The following TPST1 variants were observed in gnomAD, a reference collection of about 807,000 sequenced individuals.
TPST1 encodes tyrosylprotein sulfotransferase 1, also known as protein-tyrosine sulfotransferase 1.
A neutral mutation model predicts 34.8 loss-of-function variants in TPST1; 20 were observed. The observed-to-expected ratio is 0.57, with a 90% CI of 0.40 to 0.84. The LOEUF (loss-of-function observed/expected upper bound fraction) is 0.84. TPST1 is among the 40% of genes least tolerant of loss of function. TPST1 has a pLI of 0.00. For synonymous variants in TPST1, 152 were observed against 159.4 expected, an observed-to-expected ratio of 0.95 and a Z score of 0.35; for missense variants, 353 against 455.5, an observed-to-expected ratio of 0.78 and a Z score of 2.05.
intron 2 of TPST1, among the ~76,000 whole-genome samples, chr7:66,263,372 C>T (rs1790526860): frequency 1.3e-5 from 2 of 152,144 alleles, no homozygotes; most frequent in South Asian, 2.1e-4. Context: ...GCAGTTAGTA[C>T]ATTCTGTTTT....
chr7:66,210,205 C>G (rs1437094513), intron 1 of TPST1, among the ~76,000 whole-genome samples: 1 of 152,106 alleles, frequency 6.6e-6, no homozygotes, highest in Non-Finnish European at 1.5e-5. Context: ...GGATGACATA[C>G]TGAGTTCAGG....
chr7:66,212,213 G>T (rs2116224980), intron 1 of TPST1, among the ~76,000 whole-genome samples: 1 of 152,048 alleles, frequency 6.6e-6, no homozygotes, highest in East Asian at 1.9e-4. Context: ...ATGAGCTTTG[G>T]AATTTTTAAC....
chr7:66,211,034 A>G (rs972414515), intron 1 of TPST1, among the ~76,000 whole-genome samples: 3 of 135,672 alleles, frequency 2.2e-5, no homozygotes, highest in African/African-American at 8.7e-5. Context: ...CTTTGTTGAC[A>G]TAGTTTCTTG....
Position 66,255,976 on chromosome 7 carries a change from G to T in TPST1, c.845+14706G>T, listed in dbSNP as rs191422238. 2.1e-3 allele frequency among the ~76,000 whole-genome samples: 325 copies of T among 152,030 alleles called. 2 individuals are homozygous for T. The highest frequency in any genetic ancestry group is 7.7e-3 in the African/African-American group (318 of 41,450). On this transcript the variant is annotated intron_variant, in intron 2 of 5. Transcript: ENST00000304842. ...CCAGACCTACTATTTTATTAAGTCTGGCCAAATGGTGGTAGTCTAATTTAA... is the reference window on the plus strand; with the variant it reads ...CCAGACCTACTATTTTATTAAGTCTTGCCAAATGGTGGTAGTCTAATTTAA...
chr7:66,331,008 A>G (rs1039797464), intron 3 of TPST1, among the ~76,000 whole-genome samples: 2 of 152,208 alleles, frequency 1.3e-5, no homozygotes, highest in South Asian at 4.1e-4. Flanking sequence ...GTTGCAGTCA[A>G]GCTGTCAGCT....
chr7:66,251,346 C>A lies in TPST1; in HGVS notation c.845+10076C>A, dbSNP rs62465555. ...TTACTACAAAGCCTTTAGAATAGCA[C>A]CTGGCACATAGAAATTGTTCAAAGT... On this transcript the variant is annotated intron_variant, in intron 2 of 5. Coordinates refer to ENST00000304842, the MANE Select transcript of TPST1 (RefSeq NM_003596.4). Among the ~76,000 whole-genome samples the A allele has an allele frequency of 4.2e-3, 646 of 152,158 alleles. 3 individuals are homozygous for A. Among genetic ancestry groups the A allele is most frequent in the Non-Finnish European group, 7.9e-3 (534 of 68,002 alleles).
intron 1 of TPST1, among the ~76,000 whole-genome samples, chr7:66,214,489 T>C (rs1445157987): frequency 6.6e-6 from 1 of 151,816 alleles, no homozygotes; most frequent in Non-Finnish European, 1.5e-5. Context: ...CAACTAAAAT[T>C]GGCTGTATAT....
At chr7:66,286,746 A>T in intron 3 of TPST1, 37 bp downstream of exon 3, 1 of 1,418,170 alleles carries the variant, frequency 7.1e-7, no homozygotes, top group Non-Finnish European at 9.3e-7. Context: ...AGAAAACTAG[A>T]TTTTGAATTT....
At chr7:66,352,358 C>T (rs1437112447) in intron 3 of TPST1, 147 bp from the exon 4 acceptor site, 1 of 1,458,448 alleles carries the variant, frequency 6.9e-7, no homozygotes, top group Non-Finnish European at 9.1e-7. Context: ...TGCCCACTGG[C>T]TGCTCTTGAA....
chr7:66,351,176 T>A (rs148166811), intron 3 of TPST1, among the ~76,000 whole-genome samples: 85 of 152,344 alleles, frequency 5.6e-4, no homozygotes, highest in African/African-American at 1.9e-3. Flanking sequence ...AGCTTTAAAT[T>A]TTTTAAATGA....
chr7:66,317,283 G>T (rs2116167864), intron 3 of TPST1, among the ~76,000 whole-genome samples: 1 of 151,538 alleles, frequency 6.6e-6, no homozygotes, highest in African/African-American at 2.4e-5. Context: ...TTATTTGGGG[G>T]ATAACCTTAC....
chr7:66,351,725 T>C (rs1014716330), intron 3 of TPST1, among the ~76,000 whole-genome samples: 2 of 151,464 alleles, frequency 1.3e-5, no homozygotes, highest in Non-Finnish European at 2.9e-5. Flanking sequence ...TTGAGGAGAA[T>C]GGCTATCTTT....
chr7:66,334,593 G>GC (rs377251321), intron 3 of TPST1, among the ~76,000 whole-genome samples: 1,835 of 141,958 alleles, frequency 0.013, 36 homozygotes, highest in African/African-American at 0.046. Flanking sequence ...CCAAGATCAT[G>GC]CCACTGCACT....
chr7:66,249,684 A>T (rs1467442997), intron 2 of TPST1, among the ~76,000 whole-genome samples: 1 of 152,152 alleles, frequency 6.6e-6, no homozygotes, highest in Non-Finnish European at 1.5e-5. Context: ...TGTTTGCTTC[A>T]TTTGTGGACT....
At chr7:66,211,967 AAAG>A in intron 1 of TPST1, among the ~76,000 whole-genome samples, 1 of 152,330 alleles carries the variant, frequency 6.6e-6, no homozygotes, top group South Asian at 2.1e-4. Flanking sequence ...TCTGCCTCAA[AAAG>A]AAACAAACAA....
At chr7:66,212,061 T>A (rs557451196) in intron 1 of TPST1, among the ~76,000 whole-genome samples, 1 of 152,324 alleles carries the variant, frequency 6.6e-6, no homozygotes, top group South Asian at 2.1e-4. Context: ...GCTTTTAAGG[T>A]GGTTAAGCTG....
chr7:66,360,232 A>T lies in TPST1; in HGVS notation c.*367A>T. 1 of 276,230 alleles carries T rather than the reference A, an allele frequency of 3.6e-6. No individual in the cohort carries two copies. Among genetic ancestry groups the T allele is most frequent in the Non-Finnish European group, 7.3e-6 (1 of 137,840 alleles). The allele number at this position is 276,230 out of a possible 1,614,324, so 17.1% of individuals were successfully genotyped here. The stretch of plus-strand genomic sequence containing the variant: ...TGGGATCCTGTAAGCAGACTTGGGC[A>T]GTCTCCTTTTGAAATAGGTTGTCTG... On this transcript the variant is annotated 3_prime_UTR_variant, in exon 6 of 6. Coordinates refer to ENST00000304842, the MANE Select transcript of TPST1 (RefSeq NM_003596.4).
At chr7:66,349,190 C>G (rs951512018) in intron 3 of TPST1, among the ~76,000 whole-genome samples, 3 of 152,182 alleles carry the variant, frequency 2.0e-5, no homozygotes, top group African/African-American at 2.4e-5. Flanking sequence ...ACTGCCTGGG[C>G]TTGAGTTAAA....
intron 1 of TPST1, among the ~76,000 whole-genome samples, chr7:66,237,184 G>A (rs1584161405): frequency 6.6e-6 from 1 of 152,106 alleles, no homozygotes; most frequent in South Asian, 2.1e-4. Context: ...GGTCATGTGC[G>A]TTCTTCCCCA....
Sources: gnomAD v4.1 joint callset for allele counts (sites outside exome capture counted in the v4.1 genomes callset) on GRCh38, gnomAD v4.1.1 for gene constraint, MANE v1.5 for transcripts, NCBI Gene and HGNC (gene_info 2026-07-23, HGNC 2026-07-21) for gene names.